The following SPATA16 variants were observed in gnomAD, a reference collection of about 807,000 sequenced individuals.
SPATA16 encodes the protein spermatogenesis-associated protein 16.
In SPATA16, 36 loss-of-function variants were observed where a neutral mutation model predicts 63.3. The observed-to-expected ratio is 0.57, with a 90% confidence interval of 0.44 to 0.75. The LOEUF (loss-of-function observed/expected upper bound fraction) is 0.75. SPATA16 is among the 30% of genes least tolerant of loss of function. The probability of loss-of-function intolerance (pLI) is 0.00; values close to 1 mark genes in which losing one functional copy is unlikely to be tolerated. For missense variants in SPATA16, 646 were observed against 679.3 expected (o/e 0.95, Z 0.54); for synonymous variants, 203 against 216.7 (o/e 0.94, Z 0.56).
chr3:173,080,749 A>G, intron 2 of SPATA16, among the ~76,000 whole-genome samples: 1 of 152,244 alleles, frequency 6.6e-6, no homozygotes, highest in East Asian at 1.9e-4. Flanking sequence ...TTATTAACTT[A>G]TAAAATGCAG....
At chr3:173,057,936 G>A (rs1027530396) in intron 2 of SPATA16, among the ~76,000 whole-genome samples, 1 of 152,004 alleles carries the variant, frequency 6.6e-6, no homozygotes. Flanking sequence ...CAACAAAGTA[G>A]AACTAGTTCT....
At chr3:172,995,284 A>G (rs1340085391) in intron 4 of SPATA16, among the ~76,000 whole-genome samples, 1 of 152,028 alleles carries the variant, frequency 6.6e-6, no homozygotes, top group African/African-American at 2.4e-5. Context: ...TGATTCCTAT[A>G]ACAACTTTTG....
intron 2 of SPATA16, among the ~76,000 whole-genome samples, chr3:173,090,949 A>T (rs1404032768): frequency 1.3e-5 from 2 of 152,154 alleles, no homozygotes; most frequent in Non-Finnish European, 2.9e-5. Context: ...TTGAATAAAG[A>T]CTGCTAACTT....
chr3:173,039,759 G>A (rs548088701), intron 3 of SPATA16, among the ~76,000 whole-genome samples: 1 of 152,186 alleles, frequency 6.6e-6, no homozygotes, highest in African/African-American at 2.4e-5. Flanking sequence ...AAAATGTCTG[G>A]GTGAAGAGCT....
chr3:172,910,192 C>T (rs777990512), intron 10 of SPATA16, among the ~76,000 whole-genome samples: 3 of 149,984 alleles, frequency 2.0e-5, no homozygotes, highest in Non-Finnish European at 3.0e-5. Flanking sequence ...CTCCTGGGTT[C>T]AAGCTATTCT....
At chr3:172,938,136 A>G (rs1160931220) in intron 6 of SPATA16, among the ~76,000 whole-genome samples, 4 of 152,218 alleles carry the variant, frequency 2.6e-5, no homozygotes, top group Non-Finnish European at 4.4e-5. Context: ...CATGTAACTT[A>G]ACTGTTGCAA....
At chr3:172,959,702 A>C (rs894472680) in intron 5 of SPATA16, among the ~76,000 whole-genome samples, 3 of 151,502 alleles carry the variant, frequency 2.0e-5, no homozygotes, top group South Asian at 2.1e-4. Context: ...TAATGTACTA[A>C]TATTTTTTAT....
intron 4 of SPATA16, among the ~76,000 whole-genome samples, chr3:172,978,322 T>C (rs1361949553): frequency 6.6e-6 from 1 of 152,148 alleles, no homozygotes; most frequent in Non-Finnish European, 1.5e-5. Context: ...TGATGTTGTG[T>C]GAATATGAAT....
At chr3:172,960,875 C>CTCTTTCTT (rs57268955) in intron 5 of SPATA16, among the ~76,000 whole-genome samples, 66,230 of 142,074 alleles carry the variant, frequency 0.47, 15,845 homozygotes, top group Non-Finnish European at 0.49. Context: ...CTTTCTTTCT[C>CTCTTTCTT]TCTTTCTTTC....
chr3:173,022,965 C>T (rs1735368986), intron 3 of SPATA16, among the ~76,000 whole-genome samples: 1 of 151,886 alleles, frequency 6.6e-6, no homozygotes, highest in Non-Finnish European at 1.5e-5. Flanking sequence ...TTGATTCACC[C>T]CTTTCTAAAA....
chr3:173,128,432 T>G (rs756469584), intron 1 of SPATA16, among the ~76,000 whole-genome samples: 1 of 152,172 alleles, frequency 6.6e-6, no homozygotes, highest in Non-Finnish European at 1.5e-5. Flanking sequence ...AGTTCATAGT[T>G]TAGTGGGAGA....
At chr3:172,955,237 A>G (rs1445986928) in intron 6 of SPATA16, among the ~76,000 whole-genome samples, 1 of 152,220 alleles carries the variant, frequency 6.6e-6, no homozygotes, top group African/African-American at 2.4e-5. Context: ...TTCTACCAGA[A>G]GAGAGATTGG....
chr3:173,085,199 T>C (rs1737022029), intron 2 of SPATA16, among the ~76,000 whole-genome samples: 1 of 152,126 alleles, frequency 6.6e-6, no homozygotes, highest in Non-Finnish European at 1.5e-5. Flanking sequence ...TGAGGAGTGG[T>C]TTGTAGTTCT....
chr3:172,977,816 C>T (rs1265668841), intron 4 of SPATA16, among the ~76,000 whole-genome samples: 1 of 152,224 alleles, frequency 6.6e-6, no homozygotes. Context: ...GCCAATTAAA[C>T]ATATAATAAT....
At chr3:173,070,394 C>CAAAAAAA (rs34180269) in intron 2 of SPATA16, among the ~76,000 whole-genome samples, 1 of 92,980 alleles carries the variant, frequency 1.1e-5, no homozygotes. Flanking sequence ...GACTCTGTCT[C>CAAAAAAA]AAAAAAAAAA....
At chr3:173,127,656 C>T (rs1183914968) in intron 1 of SPATA16, among the ~76,000 whole-genome samples, 3 of 152,240 alleles carry the variant, frequency 2.0e-5, no homozygotes, top group Non-Finnish European at 4.4e-5. Context: ...AGCCAGAATA[C>T]TACAGAACGA....
At chr3:173,088,101 T>TG (rs1737127486) in intron 2 of SPATA16, among the ~76,000 whole-genome samples, 1 of 147,542 alleles carries the variant, frequency 6.8e-6, no homozygotes, top group African/African-American at 2.5e-5. Flanking sequence ...TTTTTTTTTT[T>TG]TTGAGATGGA....
At position 172,925,504 on chromosome 3, in the gene SPATA16, CAGAA is replaced by C; in HGVS notation, c.1082-16_1082-13del. On this transcript the variant is annotated splice_polypyrimidine_tract_variant and intron_variant, in intron 6 of 10. Transcript: ENST00000351008. ...GAGTGCTTGAAGATCTGAAATATGA[CAGAA>C]AGAGAACTAAGAGGCTTTGTTATGG... is the stretch of plus-strand genomic sequence containing the variant. The C allele has an allele frequency of 6.2e-7, 1 of 1,613,848 alleles. No individual in the cohort carries two copies. The highest frequency in any genetic ancestry group is 8.5e-7 in the Non-Finnish European group (1 of 1,179,878).
intron 10 of SPATA16, among the ~76,000 whole-genome samples, chr3:172,891,313 T>A (rs1577079214): frequency 1.3e-5 from 2 of 152,218 alleles, no homozygotes; most frequent in Admixed American, 1.3e-4. Context: ...TTAAAAACAA[T>A]TGTGTTCATT....
Sources: gnomAD v4.1 joint callset for allele counts (sites outside exome capture counted in the v4.1 genomes callset) on GRCh38, gnomAD v4.1.1 for gene constraint, MANE v1.5 for transcripts, NCBI Gene and HGNC (gene_info 2026-07-23, HGNC 2026-07-21) for gene names.